AFF3: variants seen among roughly 807,000 people sequenced by gnomAD.
AFF3 encodes the protein ALF transcription elongation factor 3.
AFF3 carries 32 observed loss-of-function variants against 129.7 expected under a neutral mutation model. The observed-to-expected ratio is 0.25, with a 90% CI of 0.19 to 0.33. The LOEUF is 0.33. AFF3 is among the 10% of genes least tolerant of loss of function. AFF3 has a pLI of 1.00. For missense variants in AFF3, 1,373 were observed against 1,592.0 expected, an observed-to-expected ratio of 0.86 and a Z score of 2.34; for synonymous variants, 644 against 635.4, an observed-to-expected ratio of 1.01 and a Z score of -0.20.
chr2:99,886,295 T>A (rs185206397), intron 7 of AFF3, among the ~76,000 whole-genome samples: 1 of 152,304 alleles, frequency 6.6e-6, no homozygotes, highest in East Asian at 1.9e-4. Flanking sequence ...AGCACTTACT[T>A]TGTCCCTGGC....
At chr2:99,630,364 G>T (rs911574862) in intron 13 of AFF3, among the ~76,000 whole-genome samples, 9 of 152,162 alleles carry the variant, frequency 5.9e-5, no homozygotes, top group African/African-American at 2.2e-4. Flanking sequence ...TTAAAGACAT[G>T]ACTAGGATAC....
intron 13 of AFF3, among the ~76,000 whole-genome samples, chr2:99,606,270 T>G (rs1680322212): frequency 1.3e-5 from 2 of 152,026 alleles, no homozygotes; most frequent in African/African-American, 2.4e-5. Flanking sequence ...AAAAAAAATA[T>G]ATATATTATA....
chr2:99,868,823 C>T (rs1040996608), intron 7 of AFF3, among the ~76,000 whole-genome samples: 2 of 152,086 alleles, frequency 1.3e-5, no homozygotes, highest in Non-Finnish European at 2.9e-5. Context: ...GATAGGGTCT[C>T]GCTCTGTCAC....
chr2:99,588,016 A>T (rs2104901167), intron 15 of AFF3, among the ~76,000 whole-genome samples: 1 of 152,010 alleles, frequency 6.6e-6, no homozygotes, highest in African/African-American at 2.4e-5. Context: ...CTCAAAAAAA[A>T]AAAAAAAAAT....
At chr2:99,564,141 G>A (rs951051593) in intron 20 of AFF3, among the ~76,000 whole-genome samples, 1 of 152,166 alleles carries the variant, frequency 6.6e-6, no homozygotes, top group Non-Finnish European at 1.5e-5. Flanking sequence ...TTCCTTAATT[G>A]TTTATTAAGC....
chr2:99,698,329 G>A (rs1163324465), intron 11 of AFF3, among the ~76,000 whole-genome samples: 1 of 152,190 alleles, frequency 6.6e-6, no homozygotes, highest in Non-Finnish European at 1.5e-5. Flanking sequence ...TCTGCAGAGT[G>A]CTGACTGGCC....
chr2:99,710,675 G>T (rs978458432), intron 11 of AFF3, among the ~76,000 whole-genome samples: 5 of 152,118 alleles, frequency 3.3e-5, no homozygotes, highest in Non-Finnish European at 7.4e-5. Flanking sequence ...AAAAAGGTGA[G>T]TGCCTGCCTG....
At chr2:100,023,357 T>C (rs1436792900) in intron 4 of AFF3, among the ~76,000 whole-genome samples, 1 of 152,180 alleles carries the variant, frequency 6.6e-6, no homozygotes, top group African/African-American at 2.4e-5. Flanking sequence ...ATTTTGTTTA[T>C]GACTGGCACA....
intron 1 of AFF3, among the ~76,000 whole-genome samples, chr2:100,132,426 A>G (rs1047052416): frequency 6.6e-5 from 10 of 152,246 alleles, no homozygotes; most frequent in African/African-American, 1.9e-4. Flanking sequence ...CAACACTACT[A>G]AAAAGACAAA....
At chr2:100,008,711 G>T in intron 5 of AFF3, 101 bp downstream of exon 5, 1 of 1,381,750 alleles carries the variant, frequency 7.2e-7, no homozygotes, top group Non-Finnish European at 9.9e-7. Flanking sequence ...GACAGAAGAT[G>T]CAGTCAAGTT....
intron 7 of AFF3, among the ~76,000 whole-genome samples, chr2:99,925,571 T>C (rs1223275158): frequency 6.6e-6 from 1 of 152,204 alleles, no homozygotes; most frequent in East Asian, 1.9e-4. Context: ...GCCATGAGTC[T>C]TAGGCAGATG....
intron 18 of AFF3, among the ~76,000 whole-genome samples, chr2:99,572,813 G>C (rs552472458): frequency 2.0e-5 from 3 of 152,342 alleles, no homozygotes; most frequent in African/African-American, 7.2e-5. Flanking sequence ...AGCCACTCCA[G>C]GATGCTGGCA....
chr2:99,716,797 C>T (rs890080599), intron 11 of AFF3, among the ~76,000 whole-genome samples: 2 of 151,858 alleles, frequency 1.3e-5, no homozygotes, highest in Admixed American at 6.6e-5. Context: ...GCAGGAGAAT[C>T]GTTTGAACCC....
chr2:99,970,737 G>A (rs1398085995), intron 7 of AFF3, among the ~76,000 whole-genome samples: 1 of 152,120 alleles, frequency 6.6e-6, no homozygotes, highest in African/African-American at 2.4e-5. Flanking sequence ...GGGCTTTGAC[G>A]TGGAGTTCTT....
intron 7 of AFF3, among the ~76,000 whole-genome samples, chr2:99,919,603 TAC>T (rs1162707297): frequency 3.3e-5 from 5 of 152,208 alleles, no homozygotes; most frequent in African/African-American, 1.2e-4. Context: ...AAGTATTTCA[TAC>T]TAAATAATCT....
intron 4 of AFF3, among the ~76,000 whole-genome samples, chr2:100,067,100 T>C (rs1006652069): frequency 1.3e-5 from 2 of 151,530 alleles, no homozygotes; most frequent in African/African-American, 2.4e-5. Flanking sequence ...TGGACTTGTA[T>C]CTTCATCTAA....
chr2:100,086,771 C>T (rs185565678), intron 4 of AFF3, among the ~76,000 whole-genome samples: 1 of 152,236 alleles, frequency 6.6e-6, no homozygotes, highest in Admixed American at 6.5e-5. Flanking sequence ...AGAAAATCAC[C>T]TTTGTTGAGA....
intron 10 of AFF3, among the ~76,000 whole-genome samples, chr2:99,740,204 G>A (rs1307784647): frequency 1.3e-5 from 2 of 150,430 alleles, no homozygotes; most frequent in African/African-American, 4.9e-5. Flanking sequence ...TCTTAATCCA[G>A]TCTGTCATTG....
At chr2:99,658,245 C>T (rs1255014960) in intron 12 of AFF3, among the ~76,000 whole-genome samples, 2 of 152,166 alleles carry the variant, frequency 1.3e-5, no homozygotes, top group African/African-American at 4.8e-5. Context: ...ACATTCTGAA[C>T]ACCATGAAAG....
Sources: allele counts gnomAD v4.1 joint callset (sites outside exome capture counted in the v4.1 genomes callset), GRCh38; gene constraint gnomAD v4.1.1; transcripts MANE v1.5; gene names NCBI Gene and HGNC (gene_info 2026-07-23, HGNC 2026-07-21).